The following PTPRK variants were observed in gnomAD, a reference collection of about 807,000 sequenced individuals.
PTPRK encodes the protein protein tyrosine phosphatase receptor type K.
In PTPRK, 75 loss-of-function variants were observed where a neutral mutation model predicts 178.0. The ratio of observed to expected loss-of-function variants is 0.42; its 90% CI spans 0.35 to 0.51. The LOEUF (loss-of-function observed/expected upper bound fraction) is 0.51. Among genes scored for constraint, PTPRK ranks in the 20% least tolerant of loss-of-function variants. The pLI is 0.02. For missense variants in PTPRK, 1,441 were observed against 1,797.8 expected (o/e 0.80, Z 3.59); for synonymous variants, 637 against 620.6 (o/e 1.03, Z -0.39).
intron 5 of PTPRK, among the ~76,000 whole-genome samples, chr6:128,234,387 T>C (rs566921722): frequency 1.3e-5 from 2 of 152,318 alleles, no homozygotes; most frequent in African/African-American, 4.8e-5. Flanking sequence ...ATCTTAATCT[T>C]TGACAAATGT....
intron 2 of PTPRK, among the ~76,000 whole-genome samples, chr6:128,385,475 T>A (rs1173556110): frequency 6.6e-6 from 1 of 152,220 alleles, no homozygotes; most frequent in Non-Finnish European, 1.5e-5. Flanking sequence ...ATATAAAATG[T>A]GTCCAAAATA....
At chr6:128,398,099 A>C (rs1220985898) in intron 1 of PTPRK, among the ~76,000 whole-genome samples, 2 of 152,172 alleles carry the variant, frequency 1.3e-5, no homozygotes, top group African/African-American at 4.8e-5. Flanking sequence ...GAAAGCAGAG[A>C]TTTACTGAAA....
At chr6:128,415,160 ACCTGG>A (rs1842706878) in intron 1 of PTPRK, among the ~76,000 whole-genome samples, 1 of 152,178 alleles carries the variant, frequency 6.6e-6, no homozygotes, top group African/African-American at 2.4e-5. Flanking sequence ...ATCACACACA[ACCTGG>A]CAGAAAACAC....
At chr6:128,470,748 T>A (rs1050016418) in intron 1 of PTPRK, among the ~76,000 whole-genome samples, 2 of 127,042 alleles carry the variant, frequency 1.6e-5, no homozygotes, top group Non-Finnish European at 3.2e-5. Flanking sequence ...AATATCTCTC[T>A]CTTTTTTTTT....
chr6:128,266,319 T>C (rs959137529), intron 3 of PTPRK, among the ~76,000 whole-genome samples: 2 of 152,090 alleles, frequency 1.3e-5, no homozygotes, highest in Non-Finnish European at 2.9e-5. Context: ...CAGTGGCACA[T>C]AGCAAATGTC....
At chr6:128,195,497 C>G (rs569393408) in intron 6 of PTPRK, among the ~76,000 whole-genome samples, 1 of 150,678 alleles carries the variant, frequency 6.6e-6, no homozygotes, top group Admixed American at 6.6e-5. Flanking sequence ...CTTTATTTAC[C>G]CTAAGTTAAT....
intron 2 of PTPRK, among the ~76,000 whole-genome samples, chr6:128,354,231 G>GGTTTTTTTTTTTTTTTTTT (rs1562341681): frequency 2.0e-5 from 1 of 49,358 alleles, no homozygotes; most frequent in African/African-American, 9.4e-5. Context: ...TTTTGTTTAT[G>GGTTTTTTTTTTTTTTTTTT]TTTTTTTTTT....
At chr6:128,080,366 G>A (rs376067112) in intron 10 of PTPRK, among the ~76,000 whole-genome samples, 10 of 151,892 alleles carry the variant, frequency 6.6e-5, no homozygotes, top group African/African-American at 2.2e-4. Context: ...ACAAGATTGC[G>A]AAAATATTTA....
chr6:128,174,711 T>C (rs944139735), intron 7 of PTPRK, among the ~76,000 whole-genome samples: 3 of 151,858 alleles, frequency 2.0e-5, no homozygotes, highest in African/African-American at 7.2e-5. Context: ...AAGTGAAACA[T>C]TACATTAAAT....
chr6:128,016,248 A>G (rs1475306970), intron 13 of PTPRK, among the ~76,000 whole-genome samples: 2 of 151,886 alleles, frequency 1.3e-5, no homozygotes, highest in African/African-American at 4.8e-5. Flanking sequence ...CTAATGCAAC[A>G]GTTAAACCCG....
chr6:128,505,484 T>A (rs918331033), intron 1 of PTPRK, among the ~76,000 whole-genome samples: 2 of 151,786 alleles, frequency 1.3e-5, no homozygotes, highest in Non-Finnish European at 2.9e-5. Flanking sequence ...TAAATGAAGA[T>A]GAGTTTATGA....
At chr6:128,430,431 G>A (rs1844686880) in intron 1 of PTPRK, among the ~76,000 whole-genome samples, 1 of 152,130 alleles carries the variant, frequency 6.6e-6, no homozygotes, top group African/African-American at 2.4e-5. Flanking sequence ...ATCTTTTGAA[G>A]TCTTTGACTT....
intron 2 of PTPRK, among the ~76,000 whole-genome samples, chr6:128,390,779 C>T (rs569865550): frequency 6.6e-6 from 1 of 152,100 alleles, no homozygotes; most frequent in Non-Finnish European, 1.5e-5. Flanking sequence ...CGAAATATCA[C>T]CAATTTTATA....
At chr6:128,437,078 A>G (rs889528425) in intron 1 of PTPRK, among the ~76,000 whole-genome samples, 2 of 152,154 alleles carry the variant, frequency 1.3e-5, no homozygotes, top group Admixed American at 6.5e-5. Context: ...GAAAAAGTCA[A>G]ATCTGCTGGG....
intron 1 of PTPRK, among the ~76,000 whole-genome samples, chr6:128,412,877 G>A (rs1002330549): frequency 1.3e-5 from 2 of 152,094 alleles, no homozygotes; most frequent in African/African-American, 4.8e-5. Context: ...GAGCGGGAGG[G>A]AGGCATGGTC....
chr6:128,480,340 G>T (rs950267303), intron 1 of PTPRK, among the ~76,000 whole-genome samples: 2 of 152,222 alleles, frequency 1.3e-5, no homozygotes, highest in Admixed American at 1.3e-4. Flanking sequence ...ATAAGCAAGT[G>T]TTCCTAAATT....
At chr6:128,096,714 A>T (rs1787974032) in intron 7 of PTPRK, among the ~76,000 whole-genome samples, 1 of 152,212 alleles carries the variant, frequency 6.6e-6, no homozygotes, top group Non-Finnish European at 1.5e-5. Flanking sequence ...CTGCCTTTTC[A>T]TCAGAAATCT....
At chr6:128,297,827 A>G (rs1217651329) in intron 3 of PTPRK, among the ~76,000 whole-genome samples, 1 of 152,216 alleles carries the variant, frequency 6.6e-6, no homozygotes, top group Non-Finnish European at 1.5e-5. Context: ...TAGAGAAGCA[A>G]GAGCAAACAC....
chr6:128,413,808 T>G (rs914308968), intron 1 of PTPRK, among the ~76,000 whole-genome samples: 1 of 152,186 alleles, frequency 6.6e-6, no homozygotes, highest in Non-Finnish European at 1.5e-5. Context: ...TTATAAGGAT[T>G]ACCTTCCTAT....
Sources: gnomAD v4.1 joint callset for allele counts (sites outside exome capture counted in the v4.1 genomes callset) on GRCh38, gnomAD v4.1.1 for gene constraint, MANE v1.5 for transcripts, NCBI Gene and HGNC (gene_info 2026-07-23, HGNC 2026-07-21) for gene names.